NKAIN3: variants seen among roughly 807,000 people sequenced by gnomAD.
The protein encoded by NKAIN3 is sodium/potassium transporting ATPase interacting 3, also known as sodium/potassium-transporting ATPase subunit beta-1-interacting protein 3.
NKAIN3 carries 25 observed loss-of-function variants against 30.2 expected under a neutral mutation model. The ratio of observed to expected loss-of-function variants is 0.83; its 90% CI spans 0.60 to 1.16. NKAIN3 has a LOEUF of 1.16. NKAIN3 is among the 50% of genes most tolerant of loss of function. The pLI is 0.00. For missense variants in NKAIN3, 225 were observed against 254.1 expected, an observed-to-expected ratio of 0.89 and a Z score of 0.78; for synonymous variants, 91 against 89.6, an observed-to-expected ratio of 1.02 and a Z score of -0.09.
intron 3 of NKAIN3, among the ~76,000 whole-genome samples, chr8:62,672,850 T>TA (rs539119915): frequency 1.5e-4 from 23 of 152,144 alleles, no homozygotes; most frequent in Non-Finnish European, 3.1e-4. Flanking sequence ...CAATTTTATC[T>TA]AAAAAAATTG....
At position 62,977,415 on chromosome 8, in the gene NKAIN3, C is replaced by G. The variant is rs956515793; in HGVS notation, c.*12008C>G. On this transcript the variant is annotated 3_prime_UTR_variant, in exon 7 of 7. Coordinates refer to ENST00000623646, the MANE Select transcript of NKAIN3 (RefSeq NM_001304533.3). ...TCCTTTTCCATTTTTTTCTTCTAAT[C>G]TTGTCTTCATGCTTTATTTCCTTAA... 2.0e-5 allele frequency among the ~76,000 whole-genome samples: 3 copies of G among 151,814 alleles called. No homozygotes were observed. Among genetic ancestry groups the G allele is most frequent in the African/African-American group, 7.3e-5 (3 of 41,336 alleles).
At chr8:62,739,384 A>G (rs971479538) in intron 3 of NKAIN3, among the ~76,000 whole-genome samples, 62 of 152,268 alleles carry the variant, frequency 4.1e-4, no homozygotes, top group African/African-American at 1.2e-3. Flanking sequence ...TGATTTCAGC[A>G]TTCTTCCACC....
At chr8:62,946,470 C>T (rs2130889203) in intron 5 of NKAIN3, among the ~76,000 whole-genome samples, 1 of 152,284 alleles carries the variant, frequency 6.6e-6, no homozygotes. Flanking sequence ...GTAACAGCAG[C>T]AGGGTTTAGT....
chr8:62,274,621 T>G (rs1311990355), intron 1 of NKAIN3, among the ~76,000 whole-genome samples: 1 of 152,114 alleles, frequency 6.6e-6, no homozygotes, highest in Non-Finnish European at 1.5e-5. Flanking sequence ...ATACTTTAAG[T>G]TTTAGGGTAC....
intron 1 of NKAIN3, among the ~76,000 whole-genome samples, chr8:62,377,016 T>G (rs1817105590): frequency 6.6e-6 from 1 of 152,180 alleles, no homozygotes; most frequent in Non-Finnish European, 1.5e-5. Flanking sequence ...TCTAAACTTT[T>G]TTCATGAATT....
chr8:62,640,656 T>C (rs1563495841), intron 3 of NKAIN3, among the ~76,000 whole-genome samples: 1 of 152,126 alleles, frequency 6.6e-6, no homozygotes, highest in Non-Finnish European at 1.5e-5. Flanking sequence ...GAGGTATTCA[T>C]AGAAATCATT....
intron 1 of NKAIN3, among the ~76,000 whole-genome samples, chr8:62,502,732 G>A (rs183992903): frequency 1.4e-4 from 22 of 152,104 alleles, no homozygotes; most frequent in African/African-American, 4.6e-4. Flanking sequence ...TATTTTCCTA[G>A]GCTCCACATT....
At chr8:62,799,391 A>G (rs1475643802) in intron 4 of NKAIN3, among the ~76,000 whole-genome samples, 1 of 152,258 alleles carries the variant, frequency 6.6e-6, no homozygotes, top group Non-Finnish European at 1.5e-5. Flanking sequence ...TAAGGGCATG[A>G]ATAGATCATT....
At chr8:62,292,691 T>C (rs1018591548) in intron 1 of NKAIN3, among the ~76,000 whole-genome samples, 2 of 152,204 alleles carry the variant, frequency 1.3e-5, no homozygotes, top group Non-Finnish European at 2.9e-5. Flanking sequence ...ATTTCAACTT[T>C]GGTGAATCTG....
At chr8:62,527,443 A>G (rs1808339180) in intron 1 of NKAIN3, among the ~76,000 whole-genome samples, 1 of 152,322 alleles carries the variant, frequency 6.6e-6, no homozygotes, top group East Asian at 1.9e-4. Flanking sequence ...CTCATAAACC[A>G]TATCTTTATA....
chr8:62,263,635 G>T (rs1375916485), intron 1 of NKAIN3, among the ~76,000 whole-genome samples: 1 of 152,046 alleles, frequency 6.6e-6, no homozygotes, highest in Non-Finnish European at 1.5e-5. Context: ...AATCCAAGTT[G>T]GTATATGATT....
At chr8:62,829,061 G>A (rs1819114515) in intron 4 of NKAIN3, among the ~76,000 whole-genome samples, 1 of 152,128 alleles carries the variant, frequency 6.6e-6, no homozygotes, top group South Asian at 2.1e-4. Context: ...TTATTATATA[G>A]TAATAGTCAA....
chr8:62,758,188 C>CA (rs980692568), intron 4 of NKAIN3, among the ~76,000 whole-genome samples: 7 of 151,474 alleles, frequency 4.6e-5, no homozygotes, highest in South Asian at 2.1e-4. Context: ...AAAAACAAAA[C>CA]AAAAAAAACT....
rs35150872 is a variant in NKAIN3 at position 62,965,620 on chromosome 8, TAAA to T, written c.*227_*229del. On this transcript the variant is annotated 3_prime_UTR_variant, in exon 7 of 7. Transcript: ENST00000623646. ...TTCTTATATGAACACTTGTAAGTTG[TAAA>T]AAAAAAAAAAAAAGAAAAAACAGAA... 380 of 884,666 alleles carry T rather than the reference TAAA, an allele frequency of 4.3e-4. No individual in the cohort carries two copies. The highest frequency in any genetic ancestry group is 5.9e-4 in the Middle Eastern group (1 of 1,700). 54.8% of individuals were successfully genotyped at this position (884,666 alleles called of 1,614,324 possible). A position where few individuals can be genotyped will look rare whatever the true frequency, so the allele number is the denominator to read the frequency against.
intron 1 of NKAIN3, among the ~76,000 whole-genome samples, chr8:62,412,946 TAAC>T (rs1804306657): frequency 8.0e-6 from 1 of 124,288 alleles, no homozygotes; most frequent in Admixed American, 7.9e-5. Flanking sequence ...CAGCAAAACA[TAAC>T]AACAACAAAA....
chr8:62,379,656 G>A (rs1020284029), intron 1 of NKAIN3, among the ~76,000 whole-genome samples: 31 of 151,868 alleles, frequency 2.0e-4, no homozygotes, highest in African/African-American at 7.5e-4. Flanking sequence ...CTGTAAAGAG[G>A]TGCCTTCTGC....
At chr8:62,724,251 T>C (rs1259452925) in intron 3 of NKAIN3, among the ~76,000 whole-genome samples, 1 of 152,136 alleles carries the variant, frequency 6.6e-6, no homozygotes, top group Non-Finnish European at 1.5e-5. Context: ...TTTTTTATTT[T>C]TAATGTTTGT....
chr8:62,896,064 C>T (rs1297616072), intron 4 of NKAIN3, among the ~76,000 whole-genome samples: 1 of 152,016 alleles, frequency 6.6e-6, no homozygotes, highest in Non-Finnish European at 1.5e-5. Context: ...AACACAGCAC[C>T]ATAGACTGAG....
chr8:62,704,034 T>C (rs1352041319), intron 3 of NKAIN3, among the ~76,000 whole-genome samples: 5 of 152,200 alleles, frequency 3.3e-5, no homozygotes, highest in Non-Finnish European at 7.3e-5. Flanking sequence ...TCTTTCAATA[T>C]GTCAACTTAC....
Sources: gnomAD v4.1 joint callset for allele counts (sites outside exome capture counted in the v4.1 genomes callset) on GRCh38, gnomAD v4.1.1 for gene constraint, MANE v1.5 for transcripts, NCBI Gene and HGNC (gene_info 2026-07-23, HGNC 2026-07-21) for gene names.